Variants in TLR6 observed in about 807,000 individuals in gnomAD.
TLR6 encodes the protein toll-like receptor 6.
Under a neutral mutation model 16.1 loss-of-function variants are expected in TLR6, and 9 were observed. That is an observed-to-expected ratio of 0.56 (90% CI 0.34 to 0.98). The LOEUF (loss-of-function observed/expected upper bound fraction) is 0.98. Ranked by LOEUF, TLR6 falls within the 50% of genes least tolerant of loss-of-function variation. TLR6 has a pLI of 0.02. For missense variants in TLR6, 786 were observed against 921.0 expected (o/e 0.85, Z 1.90); for synonymous variants, 340 against 338.6 (o/e 1.00, Z -0.04).
chr4:38,833,639 A>G (rs991844981), intron 1 of TLR6, among the ~76,000 whole-genome samples: 7 of 152,232 alleles, frequency 4.6e-5, no homozygotes, highest in Non-Finnish European at 8.8e-5. Context: ...AAGAAATACA[A>G]AAGTGCAAGG....
chr4:38,858,885 AAGAGAG>A (rs373652925), upstream of TLR6, among the ~76,000 whole-genome samples: 53 of 67,430 alleles, frequency 7.9e-4, no homozygotes, highest in East Asian at 7.7e-3. Context: ...GAAAGAAAGA[AAGAGAG>A]AAAGAAAGAA....
At chr4:38,830,627 T>C (rs1209452974) in intron 1 of TLR6, among the ~76,000 whole-genome samples, 1 of 152,004 alleles carries the variant, frequency 6.6e-6, no homozygotes, top group African/African-American at 2.4e-5. Context: ...AGTGGGAGGA[T>C]TGTTTGGGGC....
the TLR6 span, among the ~76,000 whole-genome samples, chr4:38,862,689 A>G: frequency 3.7e-5 from 5 of 135,576 alleles, no homozygotes; most frequent in Non-Finnish European, 6.1e-5. Flanking sequence ...TCCGCCTCCC[A>G]GGTTCAAGCA....
At chr4:38,858,937 T>C (rs1713134467), upstream of TLR6, among the ~76,000 whole-genome samples, 1 of 152,130 alleles carries the variant, frequency 6.6e-6, no homozygotes, top group African/African-American at 2.4e-5. Context: ...TGCAGAACTG[T>C]AAGAAGAGTA....
the TLR6 span, among the ~76,000 whole-genome samples, chr4:38,865,146 T>C: frequency 6.6e-6 from 1 of 152,242 alleles, no homozygotes; most frequent in South Asian, 2.1e-4. Flanking sequence ...GCAAAGAAAA[T>C]TCTAAAATAA....
chr4:38,864,063 A>C, the TLR6 span, among the ~76,000 whole-genome samples: 2 of 152,308 alleles, frequency 1.3e-5, no homozygotes, highest in Admixed American at 1.3e-4. Context: ...CTGTCTACAG[A>C]TATGGCCACT....
exon 2 of TLR6, chr4:38,824,978 G>A (rs1029381224): frequency 3.9e-5 from 6 of 152,100 alleles, no homozygotes; most frequent in African/African-American, 1.5e-4. Context: ...TGTATTTTTA[G>A]TACAGACAGG....
In TLR6 at chr4:38,846,706, T is replaced by C. The variant is rs559127961; in HGVS notation, c.-65+10055A>G. Among the ~76,000 whole-genome samples the C allele has an allele frequency of 4.6e-5, 7 of 152,060 alleles. No individual in the cohort carries two copies. The South Asian group carries it at 1.5e-3, about 32-fold the overall frequency. On this transcript the variant is annotated intron_variant, in intron 1 of 1. Coordinates refer to ENST00000436693, the Ensembl canonical transcript of TLR6. Reference sequence around the variant, plus strand: ...AAAGTATTGATGACAAAAATCTTAATAGAAATCTCGAGCTAAAAACTGCCA... The same window carrying C: ...AAAGTATTGATGACAAAAATCTTAACAGAAATCTCGAGCTAAAAACTGCCA...
chr4:38,854,870 C>G (rs1712911205), intron 1 of TLR6, among the ~76,000 whole-genome samples: 1 of 152,078 alleles, frequency 6.6e-6, no homozygotes, highest in Non-Finnish European at 1.5e-5. Flanking sequence ...ATAATAGCCT[C>G]AAATACTGTA....
chr4:38,855,866 A>AAAAT (rs3042438), intron 1 of TLR6, among the ~76,000 whole-genome samples: 89,590 of 151,646 alleles, frequency 0.59, 27,751 homozygotes, highest in African/African-American at 0.79. Flanking sequence ...AAAGAAAGTA[A>AAAAT]AAATAAACAG....
chr4:38,835,360 T>C (rs1026620011), intron 1 of TLR6, among the ~76,000 whole-genome samples: 3 of 151,554 alleles, frequency 2.0e-5, no homozygotes, highest in Non-Finnish European at 4.4e-5. Context: ...ATAAAACTAT[T>C]AAAAAAGACA....
chr4:38,828,300 G>T (rs990365934), exon 2 of TLR6: 9 of 1,613,516 alleles, frequency 5.6e-6, no homozygotes, highest in Middle Eastern at 1.7e-4. Flanking sequence ...ACTTTGAAAA[G>T]GTCTTTTAAT....
intron 1 of TLR6, among the ~76,000 whole-genome samples, chr4:38,838,841 G>T (rs1170645562): frequency 7.0e-6 from 1 of 143,294 alleles, no homozygotes; most frequent in Non-Finnish European, 1.5e-5. Context: ...AAATATTGTA[G>T]TTACCCCATA....
upstream of TLR6, among the ~76,000 whole-genome samples, chr4:38,860,075 T>TAATA (rs199763798): frequency 5.7e-4 from 87 of 152,042 alleles, no homozygotes; most frequent in African/African-American, 6.8e-4. Flanking sequence ...TTTCTCCAGA[T>TAATA]AATAAATAAA....
chr4:38,829,597 C>T, intron 1 of TLR6, 60 bp from the exon 2 acceptor site: 1 of 621,398 alleles, frequency 1.6e-6, no homozygotes, highest in Non-Finnish European at 2.8e-6. Flanking sequence ...CAAACCTCCA[C>T]TTACTAACCA....
At chr4:38,860,746 T>C (rs1159872706), upstream of TLR6, among the ~76,000 whole-genome samples, 1 of 152,120 alleles carries the variant, frequency 6.6e-6, no homozygotes, top group Non-Finnish European at 1.5e-5. Flanking sequence ...TGGAAAGGTA[T>C]GCATCCTCAT....
At chr4:38,851,080 G>A (rs904363140) in intron 1 of TLR6, among the ~76,000 whole-genome samples, 6 of 152,014 alleles carry the variant, frequency 3.9e-5, no homozygotes, top group East Asian at 1.9e-4. Flanking sequence ...TTCAACATAC[G>A]CAAATCAATA....
At chr4:38,854,036 A>G (rs1712868988) in intron 1 of TLR6, among the ~76,000 whole-genome samples, 1 of 152,264 alleles carries the variant, frequency 6.6e-6, no homozygotes, top group Non-Finnish European at 1.5e-5. Flanking sequence ...CAGTAAGATT[A>G]TAATGGAACT....
At chr4:38,840,682 C>G (rs1300978615) in intron 1 of TLR6, among the ~76,000 whole-genome samples, 1 of 151,468 alleles carries the variant, frequency 6.6e-6, no homozygotes, top group African/African-American at 2.4e-5. Context: ...GATTGATCAC[C>G]AGTATTGTTT....
Sources: gnomAD v4.1 joint callset for allele counts (sites outside exome capture counted in the v4.1 genomes callset) on GRCh38, gnomAD v4.1.1 for gene constraint, MANE v1.5 for transcripts, NCBI Gene and HGNC (gene_info 2026-07-23, HGNC 2026-07-21) for gene names.